Variants in ROBO2 observed in about 807,000 individuals in gnomAD.
ROBO2 encodes roundabout homolog 2.
ROBO2 carries 53 observed loss-of-function variants against 160.8 expected under a neutral mutation model. The ratio of observed to expected loss-of-function variants is 0.33; its 90% CI spans 0.26 to 0.41. ROBO2 has a LOEUF of 0.41. Ranked by LOEUF, ROBO2 falls within the 10% of genes least tolerant of loss-of-function variation. The pLI, the probability that ROBO2 is intolerant of heterozygous loss-of-function variation, is 1.00. For missense variants in ROBO2, 1,577 were observed against 1,722.4 expected, an observed-to-expected ratio of 0.92 and a Z score of 1.49; for synonymous variants, 664 against 611.7, an observed-to-expected ratio of 1.09 and a Z score of -1.26.
chr3:76,168,273 A>G (rs2072910336), intron 2 of ROBO2, among the ~76,000 whole-genome samples: 1 of 152,178 alleles, frequency 6.6e-6, no homozygotes, highest in African/African-American at 2.4e-5. Context: ...AAATAAGAGT[A>G]CATAATCTCT....
At chr3:77,462,929 A>G (rs2082390097) in intron 2 of ROBO2, among the ~76,000 whole-genome samples, 1 of 152,222 alleles carries the variant, frequency 6.6e-6, no homozygotes, top group Non-Finnish European at 1.5e-5. Flanking sequence ...TCGCTCCTCC[A>G]AAAAGCCTTC....
At chr3:77,523,790 G>C (rs2090858832) in intron 6 of ROBO2, among the ~76,000 whole-genome samples, 1 of 151,300 alleles carries the variant, frequency 6.6e-6, no homozygotes, top group Non-Finnish European at 1.5e-5. Context: ...ACTGCTAACT[G>C]TGCCTCCTTC....
At chr3:76,283,309 T>A (rs541346179) in intron 2 of ROBO2, among the ~76,000 whole-genome samples, 5 of 151,174 alleles carry the variant, frequency 3.3e-5, no homozygotes, top group Admixed American at 1.3e-4. Context: ...CTTACCCACC[T>A]ATTTAAAGTT....
intron 2 of ROBO2, among the ~76,000 whole-genome samples, chr3:77,309,697 CA>C (rs1482860558): frequency 6.6e-6 from 1 of 152,196 alleles, no homozygotes; most frequent in Non-Finnish European, 1.5e-5. Context: ...TCTGCAAAGG[CA>C]AAACATCATC....
At chr3:77,615,412 C>G (rs1310018086) in intron 21 of ROBO2, among the ~76,000 whole-genome samples, 2 of 152,146 alleles carry the variant, frequency 1.3e-5, no homozygotes, top group Admixed American at 1.3e-4. Flanking sequence ...TGGATTTGGA[C>G]AAATGTAATA....
At chr3:77,352,723 C>T (rs1174026961) in intron 2 of ROBO2, among the ~76,000 whole-genome samples, 2 of 152,206 alleles carry the variant, frequency 1.3e-5, no homozygotes, top group South Asian at 4.1e-4. Context: ...TCAACCTTAG[C>T]AACATCAAAG....
intron 2 of ROBO2, among the ~76,000 whole-genome samples, chr3:76,614,458 T>C (rs1043634125): frequency 1.3e-5 from 2 of 152,112 alleles, no homozygotes; most frequent in Non-Finnish European, 2.9e-5. Flanking sequence ...ACCAGCTCCT[T>C]CCTGCCTTGC....
At chr3:76,160,570 A>G (rs2072587959) in intron 2 of ROBO2, among the ~76,000 whole-genome samples, 1 of 152,134 alleles carries the variant, frequency 6.6e-6, no homozygotes, top group South Asian at 2.1e-4. Context: ...CTTAAAATGA[A>G]TTATCCATTT....
chr3:76,493,337 T>TATATATATATATA (rs2079939030), intron 2 of ROBO2, among the ~76,000 whole-genome samples: 1 of 104,830 alleles, frequency 9.5e-6, no homozygotes, highest in Non-Finnish European at 2.0e-5. Context: ...AGACAAAAAA[T>TATATATATATATA]TATATATATA....
At chr3:77,624,340 T>C (rs1277971187) in intron 23 of ROBO2, among the ~76,000 whole-genome samples, 1 of 152,026 alleles carries the variant, frequency 6.6e-6, no homozygotes, top group African/African-American at 2.4e-5. Flanking sequence ...TGAGAGAGTA[T>C]GTGTTAGATG....
intron 2 of ROBO2, among the ~76,000 whole-genome samples, chr3:76,701,516 C>T (rs1262823125): frequency 6.6e-6 from 1 of 151,910 alleles, no homozygotes; most frequent in African/African-American, 2.4e-5. Context: ...TCCAATTTTG[C>T]TTTTACTGTT....
At chr3:76,160,482 C>T (rs931277979) in intron 2 of ROBO2, among the ~76,000 whole-genome samples, 3 of 152,128 alleles carry the variant, frequency 2.0e-5, no homozygotes, top group Non-Finnish European at 4.4e-5. Context: ...AGGACATGTA[C>T]AAGATGATTT....
chr3:77,631,710 T>G (rs1224839418), intron 23 of ROBO2: 1 of 152,074 alleles, frequency 6.6e-6, no homozygotes, highest in Non-Finnish European at 1.5e-5. Flanking sequence ...AAATTAAAAT[T>G]ATTTTCCTCT....
chr3:76,994,995 A>G (rs1241137093), intron 2 of ROBO2, among the ~76,000 whole-genome samples: 1 of 152,044 alleles, frequency 6.6e-6, no homozygotes, highest in African/African-American at 2.4e-5. Context: ...ACATGTGCAC[A>G]ACGTGCAGGT....
chr3:77,436,153 G>GT (rs201973263), intron 2 of ROBO2, among the ~76,000 whole-genome samples: 4,024 of 149,658 alleles, frequency 0.027, 176 homozygotes, highest in African/African-American at 0.091. Context: ...TATTCCTGCA[G>GT]TTTTTTTTAC....
At chr3:76,311,566 AGAAAGAAGAATTTTCTGTTATT>A (rs2071588233) in intron 2 of ROBO2, 1 of 152,244 alleles carries the variant, frequency 6.6e-6, no homozygotes. Flanking sequence ...GCAGATAGCT[AGAAAGAAGAATTTTCTGTTATT>A]GATATCAATA....
At chr3:76,510,656 G>A (rs551896026) in intron 2 of ROBO2, among the ~76,000 whole-genome samples, 17 of 152,112 alleles carry the variant, frequency 1.1e-4, no homozygotes, top group African/African-American at 3.1e-4. Flanking sequence ...CCTGGGAGGC[G>A]GAGATTGCAG....
chr3:76,228,975 C>T (rs1704457720), intron 2 of ROBO2, among the ~76,000 whole-genome samples: 1 of 152,106 alleles, frequency 6.6e-6, no homozygotes, highest in Non-Finnish European at 1.5e-5. Flanking sequence ...GCTGTGATTG[C>T]ACCACTGCAC....
rs114789703 is a variant in ROBO2 at position 76,411,598 on chromosome 3, T to C, written c.109+473996T>C. 4.0e-3 allele frequency among the ~76,000 whole-genome samples: 605 copies of C among 152,200 alleles called. 6 individuals carry two copies. The highest frequency in any genetic ancestry group is 0.014 in the African/African-American group (572 of 41,534). ...AAATGCCTTGCTATAGGGAAGACAT[T>C]TTTTTTCCACCACACCAGTTCACAC... is the stretch of plus-strand genomic sequence containing the variant. On this transcript the variant is annotated intron_variant, in intron 2 of 26. Transcript: ENST00000487694.
Sources: allele counts gnomAD v4.1 joint callset (sites outside exome capture counted in the v4.1 genomes callset), GRCh38; gene constraint gnomAD v4.1.1; transcripts MANE v1.5; gene names NCBI Gene and HGNC (gene_info 2026-07-23, HGNC 2026-07-21).